Variants in RNF144A observed in about 807,000 individuals in gnomAD.
RNF144A encodes E3 ubiquitin-protein ligase RNF144A.
In RNF144A, 11 loss-of-function variants were observed where a neutral mutation model predicts 38.7. The ratio of observed to expected loss-of-function variants is 0.28; its 90% confidence interval spans 0.18 to 0.47. The LOEUF (loss-of-function observed/expected upper bound fraction) is 0.47, where lower values mean the gene tolerates loss of function less well. Among genes scored for constraint, RNF144A ranks in the 20% least tolerant of loss-of-function variants. RNF144A has a pLI of 0.99. For missense variants in RNF144A, 316 were observed against 377.2 expected, an observed-to-expected ratio of 0.84 and a Z score of 1.34; for synonymous variants, 149 against 143.9, an observed-to-expected ratio of 1.04 and a Z score of -0.25.
rs141236940 is a variant in RNF144A at position 6,941,773 on chromosome 2, G to A, written c.-12+626G>A. 3.3e-4 allele frequency among the ~76,000 whole-genome samples: 50 copies of A among 152,368 alleles called. No individual in the cohort carries two copies. Among genetic ancestry groups the A allele is most frequent in the Non-Finnish European group, 3.7e-4 (25 of 68,030 alleles). The stretch of plus-strand genomic sequence containing the variant: ...AATTGAACATGCACTTTAAGGAGGC[G>A]CAGTAACTAGCCACTTAGCATCTGG... On this transcript the variant is annotated intron_variant, in intron 2 of 8. Transcript: ENST00000320892. This position sits in a 1 kb window ranked among gnomAD's most constrained non-coding sequence, Gnocchi z 6.5.
chr2:7,017,702 C>T (rs1257698689), intron 5 of RNF144A, among the ~76,000 whole-genome samples: 2 of 152,164 alleles, frequency 1.3e-5, no homozygotes, highest in Non-Finnish European at 2.9e-5. Flanking sequence ...AAAAGCATAT[C>T]ATTTGCTTTG....
chr2:6,968,147 G>A (rs1477025864), intron 2 of RNF144A, among the ~76,000 whole-genome samples: 1 of 152,188 alleles, frequency 6.6e-6, no homozygotes, highest in African/African-American at 2.4e-5. Context: ...AAACAGCCCA[G>A]TGTGGGCAGC....
chr2:7,011,444 G>A (rs2103414609), intron 3 of RNF144A, among the ~76,000 whole-genome samples: 1 of 152,296 alleles, frequency 6.6e-6, no homozygotes, highest in African/African-American at 2.4e-5. Flanking sequence ...ACCAGCCTTG[G>A]AATCAGCCAC....
chr2:6,984,759 C>T (rs1242132266), intron 2 of RNF144A, among the ~76,000 whole-genome samples: 1 of 152,168 alleles, frequency 6.6e-6, no homozygotes, highest in Non-Finnish European at 1.5e-5. Context: ...CCTGATGGTG[C>T]AGATCCTGAA....
chr2:7,039,696 C>G lies in RNF144A; in HGVS notation c.815C>G (p.Thr272Ser). Residue 272 changes from threonine to serine, a missense_variant, in exon 9 of 9, where the codon ACT becomes AGT. Physicochemically the swap from Thr to Ser is moderately conservative, Grantham distance 58. Transcript: ENST00000320892. ...LVASPFLLLATPFVLCCKCKC... is the reference protein window; with the variant it reads ...LVASPFLLLASPFVLCCKCKC... Reference sequence around the variant, plus strand: ...GCCTCACCTTTCCTACTCCTGGCCACTCCCTTTGTACTTTGCTGCAAGTGC... The same window carrying G: ...GCCTCACCTTTCCTACTCCTGGCCAGTCCCTTTGTACTTTGCTGCAAGTGC... 6.2e-7 allele frequency: 1 copy of G among 1,614,130 alleles called. No homozygotes were observed.
Position 7,020,552 on chromosome 2 carries a change from G to T in RNF144A, c.381G>T (p.Leu127=). 6.2e-7 allele frequency: 1 copy of T among 1,613,456 alleles called. No individual in the cohort carries two copies. ...QAVCQLQDVG[L]QTPQPVQCKA... Reference sequence around the variant, plus strand: ...TGTGTCAGCTCCAGGACGTGGGGCTGCAGACCCCCCAGCCAGTGCAGTGCA... The same window carrying T: ...TGTGTCAGCTCCAGGACGTGGGGCTTCAGACCCCCCAGCCAGTGCAGTGCA... Residue 127 remains leucine (L), a synonymous_variant, in exon 6 of 9, where the codon CTG becomes CTT. Transcript: ENST00000320892.
chr2:7,049,976 TCTC>T (rs1673452487), intron 6 of RNF144A, among the ~76,000 whole-genome samples: 1 of 152,118 alleles, frequency 6.6e-6, no homozygotes, highest in African/African-American at 2.4e-5. Flanking sequence ...AAAAGCACAA[TCTC>T]CTCGGCTTTT....
At chr2:6,934,803 G>A (rs1665462003) in intron 1 of RNF144A, among the ~76,000 whole-genome samples, 1 of 152,214 alleles carries the variant, frequency 6.6e-6, no homozygotes, top group Admixed American at 6.5e-5. Flanking sequence ...TCTGCAGCTG[G>A]ACATGGGTTG....
At chr2:7,010,541 G>C (rs866763764) in intron 3 of RNF144A, among the ~76,000 whole-genome samples, 7 of 152,114 alleles carry the variant, frequency 4.6e-5, no homozygotes, top group South Asian at 4.1e-4. Flanking sequence ...TTTTAGGCGA[G>C]GCAGATATTT....
At position 7,041,239 on chromosome 2, in the gene RNF144A, T is replaced by C. The variant is rs991625188; in HGVS notation, c.*1479T>C. 2 of 985,526 alleles carry C rather than the reference T, an allele frequency of 2.0e-6. No homozygotes were observed. Among genetic ancestry groups the C allele is most frequent in the East Asian group, 1.1e-4 (1 of 8,832 alleles). 61.0% of individuals were successfully genotyped at this position (985,526 alleles called of 1,614,324 possible). A position where few individuals can be genotyped will look rare whatever the true frequency, so the allele number is the denominator to read the frequency against. On this transcript the variant is annotated 3_prime_UTR_variant, in exon 9 of 9. Coordinates refer to ENST00000320892, the MANE Select transcript of RNF144A (RefSeq NM_014746.6). ...TATTTGCCCATCACAAGCACATTTT[T>C]AAAATGTTGCTTTGTGTGTGTTTGA...
At chr2:6,982,446 T>A (rs1668693872) in intron 2 of RNF144A, among the ~76,000 whole-genome samples, 1 of 152,226 alleles carries the variant, frequency 6.6e-6, no homozygotes, top group Admixed American at 6.5e-5. Flanking sequence ...TGATTCACGC[T>A]AGTATTTTTT....
At chr2:7,056,734 T>C (rs1467620623) in intron 6 of RNF144A, among the ~76,000 whole-genome samples, 1 of 152,182 alleles carries the variant, frequency 6.6e-6, no homozygotes, top group Non-Finnish European at 1.5e-5. Flanking sequence ...GGGCCCACAC[T>C]TGATTCAAAT....
intron 2 of RNF144A, among the ~76,000 whole-genome samples, chr2:6,946,591 C>T (rs1490296594): frequency 6.6e-6 from 1 of 151,942 alleles, no homozygotes; most frequent in Non-Finnish European, 1.5e-5. Flanking sequence ...TAAGGTGAAA[C>T]CTCTTCTGGT....
Position 7,064,458 on chromosome 2 carries a change from A to T in RNF144A, c.735-3758A>T, listed in dbSNP as rs545226144. Among the ~76,000 whole-genome samples the T allele has an allele frequency of 5.3e-5, 8 of 152,316 alleles. No homozygotes were observed. In the South Asian group the frequency reaches 1.0e-3, roughly 20 times the overall value. On this transcript the variant is annotated intron_variant, in intron 6 of 6. Coordinates refer to the RNF144A transcript ENST00000432850. Reference sequence around the variant, plus strand: ...TATCTTGGAGTGAGGGGGCTTCAGGAAGAGGAGAACTCTTCTATTGTGACT... The same window carrying T: ...TATCTTGGAGTGAGGGGGCTTCAGGTAGAGGAGAACTCTTCTATTGTGACT...
chr2:6,931,960 T>G (rs1234892706), intron 1 of RNF144A, among the ~76,000 whole-genome samples: 1 of 152,234 alleles, frequency 6.6e-6, no homozygotes, highest in Non-Finnish European at 1.5e-5. Flanking sequence ...AGTTCAACTA[T>G]GTTCTTATTG....
chr2:6,982,398 G>A (rs1668689675), intron 2 of RNF144A, among the ~76,000 whole-genome samples: 1 of 152,136 alleles, frequency 6.6e-6, no homozygotes, highest in Non-Finnish European at 1.5e-5. Context: ...TTGTGGAAGA[G>A]GAATTGCCCT....
chr2:7,024,125 G>A (rs751621665), intron 6 of RNF144A, among the ~76,000 whole-genome samples: 1 of 152,142 alleles, frequency 6.6e-6, no homozygotes, highest in Non-Finnish European at 1.5e-5. Flanking sequence ...TTAGATATGT[G>A]TTGATGTTGC....
In RNF144A at chr2:7,040,659, T is replaced by A. The variant is rs1672989835; in HGVS notation, c.*899T>A. 1 of 985,378 alleles carries A rather than the reference T, an allele frequency of 1.0e-6. No homozygotes were observed. The highest frequency in any genetic ancestry group is 6.1e-5 in the Admixed American group (1 of 16,268). 61.0% of individuals were successfully genotyped at this position (985,378 alleles called of 1,614,324 possible). A position where few individuals can be genotyped will look rare whatever the true frequency, so the allele number is the denominator to read the frequency against. On this transcript the variant is annotated 3_prime_UTR_variant, in exon 9 of 9. Transcript: ENST00000320892. ...CGGCAATGGTTCTCCTCCGAATTGC[T>A]GCCGTCTGGCCTCTGGCCTCAGTCT...
intron 1 of RNF144A, among the ~76,000 whole-genome samples, chr2:6,931,629 A>G (rs776121666): frequency 6.6e-6 from 1 of 152,170 alleles, no homozygotes; most frequent in Non-Finnish European, 1.5e-5. Flanking sequence ...TTTTTTCTCT[A>G]ATTTTCTGTT....
Sources: gnomAD v4.1 joint callset for allele counts (sites outside exome capture counted in the v4.1 genomes callset) on GRCh38, gnomAD v4.1.1 for gene constraint, Gnocchi (gnomAD v3.1) non-coding constraint, MANE v1.5 for transcripts, NCBI Gene and HGNC (gene_info 2026-07-23, HGNC 2026-07-21) for gene names.